Variants in DLEC1 observed in about 807,000 individuals in gnomAD.
DLEC1 encodes deleted in lung and esophageal cancer protein 1.
DLEC1 carries 146 observed loss-of-function variants against 198.1 expected under a neutral mutation model. That is an observed-to-expected ratio of 0.74 (90% CI 0.64 to 0.85). The LOEUF is 0.85. Among genes scored for constraint, DLEC1 ranks in the 40% least tolerant of loss-of-function variants. The pLI is 0.00. For synonymous variants in DLEC1, 897 were observed against 866.8 expected (o/e 1.03, Z -0.61); for missense variants, 2,233 against 2,220.0 (o/e 1.01, Z -0.12).
Position 38,120,428 on chromosome 3 carries a change from C to A in DLEC1, c.4705-20C>A, listed in dbSNP as rs933604282. ...CTGCCCTCTGCAGCCGGAGTTGACA[C>A]CATGTCCACATCTGCTCAGGTGAAC... On this transcript the variant is annotated intron_variant, in intron 33 of 36. Transcript: ENST00000308059. 4 of 1,613,288 alleles carry A rather than the reference C, an allele frequency of 2.5e-6. No individual in the cohort carries two copies. Among genetic ancestry groups the A allele is most frequent in the Middle Eastern group, 3.3e-4 (2 of 6,072 alleles).
At chr3:38,052,314 C>T (rs553099863) in intron 2 of DLEC1, 5 of 401,074 alleles carry the variant, frequency 1.2e-5, no homozygotes, top group Middle Eastern at 3.8e-4. Flanking sequence ...ACCGGGACCA[C>T]GAGTACCTGC....
intron 6 of DLEC1, among the ~76,000 whole-genome samples, chr3:38,064,586 C>T (rs1696896235): frequency 6.6e-6 from 1 of 151,246 alleles, no homozygotes; most frequent in Non-Finnish European, 1.5e-5. Flanking sequence ...GACGGGGCGG[C>T]CGGGCAGAGG....
In DLEC1 at chr3:38,042,240, G is replaced by A. The variant is rs192798520; in HGVS notation, c.411+2604G>A. ...ACTCCTGACCTCAAGTGATCTGCCC[G>A]CCTCAGCATCCCAAAGTGCTAGGAT... On this transcript the variant is annotated intron_variant, in intron 1 of 36. Coordinates refer to ENST00000308059, the MANE Select transcript of DLEC1 (RefSeq NM_007335.4). 5.3e-3 allele frequency among the ~76,000 whole-genome samples: 811 copies of A among 152,144 alleles called. 11 individuals are homozygous for A. The highest frequency in any genetic ancestry group is 0.018 in the African/African-American group (728 of 41,524).
intron 19 of DLEC1, among the ~76,000 whole-genome samples, chr3:38,101,909 G>C (rs1022203407): frequency 1.3e-5 from 2 of 152,122 alleles, no homozygotes; most frequent in African/African-American, 4.8e-5. Flanking sequence ...TTCTGTCTCT[G>C]TTCTTTCTCC....
chr3:38,087,760 C>G (rs1441279879), intron 9 of DLEC1, among the ~76,000 whole-genome samples: 1 of 152,226 alleles, frequency 6.6e-6, no homozygotes, highest in African/African-American at 2.4e-5. Context: ...TGACCAGGGT[C>G]TTGTAGGCAT....
At chr3:38,064,699 C>T (rs577235356) in intron 6 of DLEC1, among the ~76,000 whole-genome samples, 12 of 152,004 alleles carry the variant, frequency 7.9e-5, no homozygotes, top group African/African-American at 2.2e-4. Context: ...AGTTCCCAGA[C>T]GGGGTCGCGG....
rs780806047 is a variant in DLEC1 at position 38,109,575 on chromosome 3, T to C, written c.3260+13T>C. On this transcript the variant is annotated intron_variant, in intron 22 of 36. Coordinates refer to ENST00000308059, the MANE Select transcript of DLEC1 (RefSeq NM_007335.4). ...GCTCTGATTGCAGGTGAGCCCAGGGTTGGTGGTCTGGGGGTGGCAGTGGAC... is the reference window on the plus strand; with the variant it reads ...GCTCTGATTGCAGGTGAGCCCAGGGCTGGTGGTCTGGGGGTGGCAGTGGAC... 6.2e-7 allele frequency: 1 copy of C among 1,613,946 alleles called. No individual in the cohort carries two copies. Among genetic ancestry groups the C allele is most frequent in the South Asian group, 1.1e-5 (1 of 91,070 alleles).
At chr3:38,062,502 G>C in intron 4 of DLEC1, 79 bp from the exon 5 acceptor site, 2 of 1,579,396 alleles carry the variant, frequency 1.3e-6, no homozygotes, top group East Asian at 4.5e-5. Flanking sequence ...GCCATCTATG[G>C]GTCATGCAGT....
chr3:38,071,593 G>A (rs1697320448), intron 6 of DLEC1, among the ~76,000 whole-genome samples: 1 of 152,246 alleles, frequency 6.6e-6, no homozygotes, highest in Admixed American at 6.5e-5. Flanking sequence ...GAGAAAAACT[G>A]GCCCTGAGGG....
At position 38,111,687 on chromosome 3, in the gene DLEC1, C is replaced by A. The variant is rs752969922; in HGVS notation, c.3454C>A (p.Pro1152Thr). The change falls in exon 24 of 37, where the codon CCT becomes ACT. Residue 1152 changes from proline (P) to threonine (T), a missense_variant. Coordinates refer to ENST00000308059, the MANE Select transcript of DLEC1 (RefSeq NM_007335.4). The stretch of plus-strand genomic sequence containing the variant: ...TCTCCACTTGTAAAGTCCCAACATG[C>A]CTCCTGCCCTGCTAAAGACAGTGCG... ...LSKKTSLPNM[P>T]PALLKTVRMQ... is the part of the protein sequence containing the mutation. 8 of 1,613,116 alleles carry A rather than the reference C, an allele frequency of 5.0e-6. No individual in the cohort carries two copies. In the Admixed American group the frequency reaches 1.2e-4, roughly 24 times the overall value.
chr3:38,120,727 T>G lies in DLEC1; in HGVS notation c.4866+118T>G, dbSNP rs1575246282. The G allele has an allele frequency of 3.7e-6, 5 of 1,358,968 alleles. No homozygotes were observed. The East Asian group carries it at 1.2e-4, about 34-fold the overall frequency. The allele number at this position is 1,358,968 out of a possible 1,614,324, so 84.2% of individuals were successfully genotyped here. A position where few individuals can be genotyped will look rare whatever the true frequency, so the allele number is the denominator to read the frequency against. On this transcript the variant is annotated intron_variant, in intron 34 of 36. Transcript: ENST00000308059. ...CTCAGAAATAAGGAGCCCCTGCCCC[T>G]GTCCTGGGGCTCAGTCTCCCCTAGA...
intron 25 of DLEC1, among the ~76,000 whole-genome samples, chr3:38,113,410 G>A (rs866794877): frequency 3.9e-5 from 6 of 152,176 alleles, no homozygotes; most frequent in East Asian, 1.9e-4. Flanking sequence ...TATATTGTTC[G>A]CTGGGTGCAG....
Position 38,117,074 on chromosome 3 carries a change from C to T in DLEC1, c.4279C>T (p.Leu1427=). ...CAAGGTGGAGTGTACTGGCTACGCC[C>T]TGGGTTTCATGAGCTTGGACAGCAA... The part of the protein sequence containing the change: ...LHKVECTGYA[L]GFMSLDSKVE... Residue 1427 remains leucine (L), a synonymous_variant, in exon 30 of 37, where the codon CTG becomes TTG. Coordinates refer to ENST00000308059, the MANE Select transcript of DLEC1 (RefSeq NM_007335.4). 1 of 1,614,078 alleles carries T rather than the reference C, an allele frequency of 6.2e-7. No homozygotes were observed. Among genetic ancestry groups the T allele is most frequent in the Non-Finnish European group, 8.5e-7 (1 of 1,179,982 alleles).
chr3:38,096,679 A>G lies in DLEC1; in HGVS notation c.2282A>G (p.Tyr761Cys). ...VEPFQVLLEP[Y>C]ALIIPGENYI... ...CCTTTCCAGGTTCTCTTAGAGCCATATGCCCTCATCATCCCAGGGGAGAAC... is the reference window on the plus strand; with the variant it reads ...CCTTTCCAGGTTCTCTTAGAGCCATGTGCCCTCATCATCCCAGGGGAGAAC... The change falls in exon 15 of 37, where the codon TAT becomes TGT. Residue 761 changes from tyrosine to cysteine, a missense_variant. By Grantham distance (194) the Tyr-to-Cys change is radical (BLOSUM62 -2). Coordinates refer to ENST00000308059, the MANE Select transcript of DLEC1 (RefSeq NM_007335.4). 1 of 1,613,562 alleles carries G rather than the reference A, an allele frequency of 6.2e-7. No homozygotes were observed. Among genetic ancestry groups the G allele is most frequent in the Non-Finnish European group, 8.5e-7 (1 of 1,179,972 alleles).
Position 38,117,495 on chromosome 3 carries a change from G to T in DLEC1, c.4401-32G>T, listed in dbSNP as rs756746558. 3 of 1,613,874 alleles carry T rather than the reference G, an allele frequency of 1.9e-6. No individual in the cohort carries two copies. The African/African-American group carries it at 4.0e-5, about 22-fold the overall frequency. ...GGCAGCCAGAAGGCCCCAGGCGCCC[G>T]GCTTGCCCCAACAATGCCTATTGCT... On this transcript the variant is annotated intron_variant, in intron 31 of 36. Coordinates refer to ENST00000308059, the MANE Select transcript of DLEC1 (RefSeq NM_007335.4).
At chr3:38,095,748 G>A (rs1698981520) in intron 13 of DLEC1, 140 bp from the exon 14 acceptor site, 1 of 1,044,452 alleles carries the variant, frequency 9.6e-7, no homozygotes, top group East Asian at 2.4e-5. Flanking sequence ...GGAGGCAGCA[G>A]GGAAGCAACC....
intron 13 of DLEC1, chr3:38,095,601 T>G (rs1698974442): frequency 9.3e-6 from 4 of 430,642 alleles, no homozygotes; most frequent in Non-Finnish European, 1.7e-5. Flanking sequence ...CCTGGGAGGG[T>G]GTGGTGCTTC....
At chr3:38,060,857 G>A (rs1250865898) in intron 3 of DLEC1, among the ~76,000 whole-genome samples, 1 of 152,086 alleles carries the variant, frequency 6.6e-6, no homozygotes, top group Non-Finnish European at 1.5e-5. Context: ...ACCACACCTG[G>A]CTAATTTTGT....
At position 38,116,458 on chromosome 3, in the gene DLEC1, C is replaced by T. The variant is rs369973420; in HGVS notation, c.3862C>T (p.Arg1288Cys). ...RLNNSSPCDI[R>C]LDWETYVPED... ...GCTCCACACATCTGCCCCAGACATC[C>T]GCCTGGATTGGGAGACCTATGTTCC... Residue 1288 changes from arginine to cysteine, a missense_variant, in exon 28 of 37, where the codon CGC becomes TGC. By Grantham distance (180) the Arg-to-Cys change is radical (BLOSUM62 -3). Transcript: ENST00000308059. 43 of 1,613,916 alleles carry T rather than the reference C, an allele frequency of 2.7e-5. No individual in the cohort carries two copies. Among genetic ancestry groups the T allele is most frequent in the East Asian group, 2.2e-4 (10 of 44,884 alleles).
Sources: allele counts gnomAD v4.1 joint callset (sites outside exome capture counted in the v4.1 genomes callset), GRCh38; gene constraint gnomAD v4.1.1; transcripts MANE v1.5; gene names NCBI Gene and HGNC (gene_info 2026-07-23, HGNC 2026-07-21).